Variants in GPR176 observed in about 807,000 individuals in gnomAD.
The protein encoded by GPR176 is G protein-coupled receptor 176, also known as G-protein coupled receptor 176.
Under a neutral mutation model 35.4 loss-of-function variants are expected in GPR176, and 26 were observed. The observed-to-expected ratio is 0.74, with a 90% CI of 0.54 to 1.02. The LOEUF is 1.02. Ranked by LOEUF, GPR176 falls within the 50% of genes least tolerant of loss-of-function variation. The pLI, the probability that GPR176 is intolerant of heterozygous loss-of-function variation, is 0.00. For missense variants in GPR176, 597 were observed against 665.3 expected (o/e 0.90, Z 1.13); for synonymous variants, 278 against 271.3 (o/e 1.02, Z -0.24).
chr15:39,836,339 T>C (rs1901397950), intron 1 of GPR176, among the ~76,000 whole-genome samples: 2 of 152,146 alleles, frequency 1.3e-5, no homozygotes, highest in African/African-American at 4.8e-5. Flanking sequence ...TACCTTCCCC[T>C]GAGTTCATAT....
At chr15:39,830,458 A>G (rs1420036466) in intron 1 of GPR176, among the ~76,000 whole-genome samples, 1 of 152,200 alleles carries the variant, frequency 6.6e-6, no homozygotes, top group African/African-American at 2.4e-5. Context: ...ACTTGATCTG[A>G]GTCTTGGCTG....
rs993950400 is a variant in GPR176 at position 39,802,787 on chromosome 15, T to C, written c.426-533A>G. Among the ~76,000 whole-genome samples the C allele has an allele frequency of 1.2e-4, 18 of 152,322 alleles. No individual in the cohort carries two copies. The East Asian group carries it at 3.5e-3, about 29-fold the overall frequency. ...AGATATCATTAACAATTAAAGTTGTTCAGGGCAGAAGAACCAGTATGAAGA... is the reference window on the plus strand; with the variant it reads ...AGATATCATTAACAATTAAAGTTGTCCAGGGCAGAAGAACCAGTATGAAGA... On this transcript the variant is annotated intron_variant, in intron 2 of 2. Coordinates refer to ENST00000561100, the MANE Select transcript of GPR176 (RefSeq NM_007223.3).
intron 1 of GPR176, among the ~76,000 whole-genome samples, chr15:39,891,951 T>C (rs1007249966): frequency 4.6e-5 from 7 of 152,242 alleles, no homozygotes; most frequent in African/African-American, 1.7e-4. Flanking sequence ...GCAGACCAAC[T>C]TGAATTTTCT....
At chr15:39,815,687 T>C (rs1899855934) in intron 1 of GPR176, among the ~76,000 whole-genome samples, 1 of 152,142 alleles carries the variant, frequency 6.6e-6, no homozygotes, top group African/African-American at 2.4e-5. Context: ...AAACGTTCAA[T>C]ATACCACACA....
At chr15:39,809,060 G>A (rs889453215) in intron 1 of GPR176, among the ~76,000 whole-genome samples, 2 of 152,104 alleles carry the variant, frequency 1.3e-5, no homozygotes, top group African/African-American at 4.8e-5. Context: ...CTGCTGAGGG[G>A]TTTTATTAGC....
At chr15:39,889,478 T>C (rs386220) in intron 1 of GPR176, among the ~76,000 whole-genome samples, 150,455 of 151,900 alleles carry the variant, frequency 0.99, 74,516 homozygotes, top group Middle Eastern at 1. Context: ...ACCCAGGAGG[T>C]GGAGGTTGCA....
intron 1 of GPR176, chr15:39,813,337 T>A (rs1899692572): frequency 6.6e-6 from 1 of 152,248 alleles, no homozygotes; most frequent in South Asian, 2.1e-4. Context: ...TTTCTTGCAG[T>A]ACAGGTCTGC....
chr15:39,814,392 T>C (rs1899762491), intron 1 of GPR176, among the ~76,000 whole-genome samples: 1 of 152,228 alleles, frequency 6.6e-6, no homozygotes, highest in Non-Finnish European at 1.5e-5. Context: ...TATCATCCCC[T>C]CTTTTATTTA....
intron 1 of GPR176, among the ~76,000 whole-genome samples, chr15:39,903,130 G>A (rs1289286303): frequency 6.6e-6 from 1 of 152,238 alleles, no homozygotes; most frequent in African/African-American, 2.4e-5. Flanking sequence ...ATTTAAAGTA[G>A]TCTAGGCTAA....
At chr15:39,876,735 G>A (rs944200861) in intron 1 of GPR176, among the ~76,000 whole-genome samples, 3 of 151,972 alleles carry the variant, frequency 2.0e-5, no homozygotes, top group Admixed American at 2.0e-4. Context: ...CTTGGGAGGT[G>A]GGAGGATGGT....
chr15:39,900,960 G>C (rs919980433), intron 1 of GPR176, among the ~76,000 whole-genome samples: 6 of 152,230 alleles, frequency 3.9e-5, no homozygotes, highest in Non-Finnish European at 7.3e-5. Context: ...TGAGATATCA[G>C]GTTGTGAGGC....
chr15:39,872,604 G>A (rs1037303236), intron 1 of GPR176, among the ~76,000 whole-genome samples: 1 of 152,168 alleles, frequency 6.6e-6, no homozygotes, highest in African/African-American at 2.4e-5. Flanking sequence ...TAATTTACAA[G>A]AAAAGAGGTT....
intron 1 of GPR176, among the ~76,000 whole-genome samples, chr15:39,821,894 A>C (rs1007209629): frequency 3.9e-5 from 6 of 152,260 alleles, no homozygotes; most frequent in Non-Finnish European, 7.3e-5. Flanking sequence ...CCTCTCCCAT[A>C]GTCAATGAAG....
At position 39,838,848 on chromosome 15, in the gene GPR176, G is replaced by C. The variant is rs140418287; in HGVS notation, c.173-31590C>G. Among the ~76,000 whole-genome samples the C allele has an allele frequency of 1.1e-4, 17 of 152,254 alleles. No individual in the cohort carries two copies. The East Asian group carries it at 3.3e-3, about 29-fold the overall frequency. ...TTCTGGCCAGGGCAATCAGGCAGGA[G>C]AAAGAAATAAAGGGTATTCTATCAG... On this transcript the variant is annotated intron_variant, in intron 1 of 2. Coordinates refer to ENST00000561100, the MANE Select transcript of GPR176 (RefSeq NM_007223.3).
rs544885816 is a variant in GPR176 at position 39,839,997 on chromosome 15, G to A, written c.173-32739C>T. Among the ~76,000 whole-genome samples, 67 of 152,338 alleles carry A rather than the reference G, an allele frequency of 4.4e-4. 1 individual carries two copies. The South Asian group carries it at 0.013, about 29-fold the overall frequency. On this transcript the variant is annotated intron_variant, in intron 1 of 2. Coordinates refer to ENST00000561100, the MANE Select transcript of GPR176 (RefSeq NM_007223.3). ...TCAGGAAACAACAGATGCTGGAGAGGATGTGGAGAAATAGGAATGCTTTCA... is the reference window on the plus strand; with the variant it reads ...TCAGGAAACAACAGATGCTGGAGAGAATGTGGAGAAATAGGAATGCTTTCA...
chr15:39,919,362 G>A (rs2140884648), intron 1 of GPR176, among the ~76,000 whole-genome samples: 3 of 152,208 alleles, frequency 2.0e-5, no homozygotes, highest in Middle Eastern at 6.8e-3. Context: ...GTGTTCCGAA[G>A]AAGCACGCAG....
At chr15:39,908,780 G>T (rs2033495549) in intron 1 of GPR176, among the ~76,000 whole-genome samples, 1 of 152,064 alleles carries the variant, frequency 6.6e-6, no homozygotes, top group Non-Finnish European at 1.5e-5. Flanking sequence ...GAAAAAGATG[G>T]CGCCTTTAGC....
In GPR176 at chr15:39,866,704, A is replaced by T. The variant is rs76665917; in HGVS notation, c.172+53151T>A. Among the ~76,000 whole-genome samples, 458 of 152,352 alleles carry T rather than the reference A, an allele frequency of 3.0e-3. 5 individuals carry two copies. In the East Asian group the frequency reaches 0.032, roughly 11 times the overall value. ...TCTTACTTTGAAAAATATTTTCAAA[A>T]ATGTAAGCATCACACAAAACACCTG... is the stretch of plus-strand genomic sequence containing the variant. On this transcript the variant is annotated intron_variant, in intron 1 of 2. Transcript: ENST00000561100.
At chr15:39,869,092 C>T (rs146352141) in intron 1 of GPR176, among the ~76,000 whole-genome samples, 259 of 148,474 alleles carry the variant, frequency 1.7e-3, no homozygotes, top group African/African-American at 5.9e-3. Context: ...ACTGTGTATA[C>T]ACTCCCCTCT....
Sources: allele counts gnomAD v4.1 joint callset (sites outside exome capture counted in the v4.1 genomes callset), GRCh38; gene constraint gnomAD v4.1.1; transcripts MANE v1.5; gene names NCBI Gene and HGNC (gene_info 2026-07-23, HGNC 2026-07-21).